Variants in HRAS observed in about 807,000 individuals in gnomAD.
The protein encoded by HRAS is GTPase HRas.
Under a neutral mutation model 19.8 loss-of-function variants are expected in HRAS, and 11 were observed. The observed-to-expected ratio is 0.55, with a 90% CI of 0.35 to 0.92. The LOEUF (loss-of-function observed/expected upper bound fraction) is 0.92, where lower values mean the gene tolerates loss of function less well. Among genes scored for constraint, HRAS ranks in the 40% least tolerant of loss-of-function variants. HRAS has a pLI of 0.01. For missense variants in HRAS, 204 were observed against 255.9 expected (o/e 0.80, Z 1.38); for synonymous variants, 149 against 105.5 (o/e 1.41, Z -2.52).
chr11:535,306 C>CGCCGCCGCT (rs1554885558), intron 1 of HRAS, 110 bp downstream of exon 1: 12 of 146,208 alleles, frequency 8.2e-5, no homozygotes, highest in African/African-American at 2.5e-4. Context: ...CCGCCGCCGC[C>CGCCGCCGCT]GCCGCCGCTT....
At chr11:533,670 A>G in intron 3 of HRAS, 58 bp from the exon 4 acceptor site, 2 of 1,612,266 alleles carry the variant, frequency 1.2e-6, no homozygotes, top group Non-Finnish European at 1.7e-6. Flanking sequence ...GGCATCCAGG[A>G]CATGCGCAGA....
intron 1 of HRAS, chr11:534,580 C>T (rs2133996829): frequency 3.5e-6 from 2 of 573,626 alleles, no homozygotes; most frequent in Admixed American, 6.1e-5. Context: ...CTCTTAATGA[C>T]CCAGTGATGG....
In HRAS at chr11:532,556, G is replaced by A. The variant is rs891953115; in HGVS notation, c.*6-34C>T. 2.6e-6 allele frequency: 4 copies of A among 1,564,178 alleles called. No homozygotes were observed. In the South Asian group the frequency reaches 3.4e-5, roughly 13 times the overall value. ...GGCACAAGGGAGGCTGCTGACCGCA[G>A]GCCAGGAGACCGGCAGGGGCGGGGA... On this transcript the variant is annotated intron_variant, in intron 5 of 5. Transcript: ENST00000311189.
In HRAS at chr11:532,520, G is replaced by C; in HGVS notation, c.*8C>G. 2 of 1,410,020 alleles carry C rather than the reference G, an allele frequency of 1.4e-6. No individual in the cohort carries two copies. Among genetic ancestry groups the C allele is most frequent in the South Asian group, 2.5e-5 (2 of 80,554 alleles). The allele number at this position is 1,410,020 out of a possible 1,614,324, so 87.3% of individuals were successfully genotyped here. ...TCCGGCACCTCCATGTCCTGAGCTT[G>C]TGCTGGGCGGGGCACAAGGGAGGCT... On this transcript the variant is annotated splice_region_variant and 3_prime_UTR_variant, in exon 6 of 6. Transcript: ENST00000311189.
chr11:535,388 G>C lies in HRAS; in HGVS notation c.-54+28C>G, dbSNP rs979636061. On this transcript the variant is annotated intron_variant, in intron 1 of 5. Transcript: ENST00000311189. ...CCGCCTGGGGGCGAGGAGGGCGCGC[G>C]GCCCGGCCGATCCCTGCCCGCACTC... 296 of 146,938 alleles carry C rather than the reference G, an allele frequency of 2.0e-3. 3 individuals are homozygous for C. Among genetic ancestry groups the C allele is most frequent in the African/African-American group, 7.1e-3 (289 of 40,886 alleles). The allele number at this position is 146,938 out of a possible 1,614,324, so 9.1% of individuals were successfully genotyped here. A position where few individuals can be genotyped will look rare whatever the true frequency, so the allele number is the denominator to read the frequency against.
chr11:535,450 CGGGGCCG>C lies in HRAS; in HGVS notation c.-95_-89del. The C allele has an allele frequency of 8.2e-6, 1 of 122,664 alleles. No homozygotes were observed. The highest frequency in any genetic ancestry group is 2.6e-5 in the African/African-American group (1 of 38,952). 7.6% of individuals were successfully genotyped at this position (122,664 alleles called of 1,614,324 possible). ...GCGCGACTGCCCCCGGGGCCAGGGC[CGGGGCCG>C]AGGCCGGGGCGGGGCGGGGGCGGGG... On this transcript the variant is annotated 5_prime_UTR_variant, in exon 1 of 6. The change creates a premature stop within an existing upstream ORF in the 5' untranslated region. Coordinates refer to ENST00000311189, the MANE Select transcript of HRAS (RefSeq NM_005343.4).
rs769320348 is a variant in HRAS, at chr11:532,633, G to A, written c.*3C>T. The A allele has an allele frequency of 6.2e-7, 1 of 1,610,744 alleles. No homozygotes were observed. Among genetic ancestry groups the A allele is most frequent in the Admixed American group, 1.7e-5 (1 of 59,988 alleles). On this transcript the variant is annotated splice_region_variant and 3_prime_UTR_variant, in exon 5 of 6. Transcript: ENST00000311189. The stretch of plus-strand genomic sequence containing the variant: ...GCCGCCCTGGGAGTCCCCCTCACCT[G>A]CGTCAGGAGAGCACACACTTGCAGC...
chr11:533,936 G>A lies in HRAS; in HGVS notation c.120C>T (p.Tyr40=), dbSNP rs763920334. ...CCCCATCAATGACCACCTGCTTCCG[G>A]TAGGAATCCTGCAGGAGGACAGGGC... The part of the protein sequence containing the change: ...DEYDPTIEDS[Y]RKQVVIDGET... The change falls in exon 3 of 6, where the codon TAC becomes TAT. Residue 40 remains tyrosine (Y), a synonymous_variant. Coordinates refer to ENST00000311189, the MANE Select transcript of HRAS (RefSeq NM_005343.4). 15 of 1,611,402 alleles carry A rather than the reference G, an allele frequency of 9.3e-6. No homozygotes were observed. Among genetic ancestry groups the A allele is most frequent in the South Asian group, 3.3e-5 (3 of 91,092 alleles).
In HRAS at chr11:533,436, G is replaced by A. The variant is rs367869009; in HGVS notation, c.450+17C>T. On this transcript the variant is annotated intron_variant, in intron 4 of 5. Transcript: ENST00000311189. ...GGGCGGGTCCCTGGCTAGCTGTGGG[G>A]TGGAGAGCTGCCTCACCTGCCGGGT... 2.5e-6 allele frequency: 4 copies of A among 1,612,210 alleles called. No individual in the cohort carries two copies. In the African/African-American group the frequency reaches 5.3e-5, roughly 22 times the overall value.
intron 1 of HRAS, among the ~76,000 whole-genome samples, chr11:534,848 C>T (rs1851361186): frequency 6.6e-6 from 1 of 152,184 alleles, no homozygotes; most frequent in South Asian, 2.1e-4. Flanking sequence ...TAGGCGCCGC[C>T]GAGGGGAGGG....
intron 1 of HRAS, among the ~76,000 whole-genome samples, chr11:535,088 G>T (rs779778397): frequency 1.3e-5 from 2 of 151,964 alleles, no homozygotes; most frequent in Non-Finnish European, 2.9e-5. Flanking sequence ...CCGTGGCCGC[G>T]GCCGCCTCCT....
Position 533,577 on chromosome 11 carries a change from A to G in HRAS, c.326T>C (p.Val109Ala). The part of the protein sequence containing the change: ...QIKRVKDSDD[V>A]PMVLVGNKCD... ...CTTGTTCCCCACCAGCACCATGGGC[A>G]CGTCATCCGAGTCCTTCACCCGTTT... is the stretch of plus-strand genomic sequence containing the variant. Residue 109 changes from valine to alanine, a missense_variant, in exon 4 of 6, where the codon GTG (valine) becomes GCG (alanine). Val to Ala is a moderately conservative substitution (Grantham distance 64, BLOSUM62 0). Coordinates refer to ENST00000311189, the MANE Select transcript of HRAS (RefSeq NM_005343.4). The G allele has an allele frequency of 6.8e-6, 11 of 1,613,832 alleles. No individual in the cohort carries two copies. The highest frequency in any genetic ancestry group is 9.3e-6 in the Non-Finnish European group (11 of 1,179,992).
Position 533,885 on chromosome 11 carries a change from A to G in HRAS, c.171T>C (p.Asp57=), listed in dbSNP as rs776105083. ...CGCTGTACTCCTCCTGGCCGGCGGT[A>G]TCCAGGATGTCCAACAGGCACGTCT... The part of the protein sequence containing the change: ...DGETCLLDIL[D]TAGQEEYSAM... Residue 57 remains aspartate, a synonymous_variant, in exon 3 of 6, where the codon GAT becomes GAC. Coordinates refer to ENST00000311189, the MANE Select transcript of HRAS (RefSeq NM_005343.4). 5.0e-6 allele frequency: 8 copies of G among 1,613,104 alleles called. No individual in the cohort carries two copies. The Admixed American group carries it at 1.3e-4, about 27-fold the overall frequency.
chr11:533,903 G>A lies in HRAS; in HGVS notation c.153C>T (p.Cys51=), dbSNP rs759482455. The change falls in exon 3 of 6, where the codon TGC becomes TGT. Residue 51 remains cysteine, a synonymous_variant. Transcript: ENST00000311189. ...RKQVVIDGET[C]LLDILDTAGQ... is the part of the protein sequence containing the mutation. ...CGGCGGTATCCAGGATGTCCAACAG[G>A]CACGTCTCCCCATCAATGACCACCT... is the stretch of plus-strand genomic sequence containing the variant. 5.6e-6 allele frequency: 9 copies of A among 1,613,172 alleles called. No individual in the cohort carries two copies. The Admixed American group carries it at 1.5e-4, about 27-fold the overall frequency.
chr11:533,679 G>T (rs1851262940), intron 3 of HRAS, 67 bp from the exon 4 acceptor site: 3 of 1,611,588 alleles, frequency 1.9e-6, no homozygotes, highest in Admixed American at 1.7e-5. Flanking sequence ...GACATGCGCA[G>T]AGAGGACAGG....
chr11:532,663 G>A lies in HRAS; in HGVS notation c.543C>T (p.Cys181=), dbSNP rs2133982060. Residue 181 remains cysteine, a synonymous_variant, in exon 5 of 6, where the codon TGC becomes TGT. Coordinates refer to ENST00000311189, the MANE Select transcript of HRAS (RefSeq NM_005343.4). ...AGGAGAGCACACACTTGCAGCTCATGCAGCCGGGGCCACTCTCATCAGGAG... is the reference window on the plus strand; with the variant it reads ...AGGAGAGCACACACTTGCAGCTCATACAGCCGGGGCCACTCTCATCAGGAG... The part of the protein sequence containing the change: ...LNPPDESGPG[C]MSCKCVLS 2 of 1,612,776 alleles carry A rather than the reference G, an allele frequency of 1.2e-6. No homozygotes were observed. The highest frequency in any genetic ancestry group is 1.7e-6 in the Non-Finnish European group (2 of 1,179,992).
rs2133986915 is a variant in HRAS, at chr11:533,513, A to C, written c.390T>G (p.Ala130=). ...TGCCGTAGCTTCGGGCGAGGTCCTG[A>C]GCCTGCCGAGATTCCACAGTGCGTG... ...LAARTVESRQ[A]QDLARSYGIP... The change falls in exon 4 of 6, where the codon GCT becomes GCG. Residue 130 remains alanine, a synonymous_variant. Coordinates refer to ENST00000311189, the MANE Select transcript of HRAS (RefSeq NM_005343.4). The C allele has an allele frequency of 6.2e-7, 1 of 1,613,558 alleles. No individual in the cohort carries two copies. Among genetic ancestry groups the C allele is most frequent in the Non-Finnish European group, 8.5e-7 (1 of 1,179,974 alleles).
chr11:534,052 CTGGGGTGCTGAGACGAGGGACTCCCCT>C (rs1851297586), intron 2 of HRAS, 108 bp from the exon 3 acceptor site: 13 of 1,323,170 alleles, frequency 9.8e-6, no homozygotes, highest in African/African-American at 4.3e-5. Context: ...CCCTCCTCTC[CTGGGGTGCTGAGACGAGGGACTCCCCT>C]CCTCTAGAGG....
At chr11:533,290 G>A (rs2133985024) in intron 4 of HRAS, 163 bp downstream of exon 4, 1 of 1,596,158 alleles carries the variant, frequency 6.3e-7, no homozygotes, top group Non-Finnish European at 8.5e-7. Flanking sequence ...GCGAGGGGCC[G>A]CTGGGTCACA....
Sources: allele counts gnomAD v4.1 joint callset (sites outside exome capture counted in the v4.1 genomes callset), GRCh38; gene constraint gnomAD v4.1.1; transcripts MANE v1.5; gene names NCBI Gene and HGNC (gene_info 2026-07-23, HGNC 2026-07-21).